ADCY2: variants seen among roughly 807,000 people sequenced by gnomAD.
The protein encoded by ADCY2 is adenylate cyclase 2.
A neutral mutation model predicts 125.2 loss-of-function variants in ADCY2; 31 were observed. That is an observed-to-expected ratio of 0.25 (90% confidence interval 0.19 to 0.33). The LOEUF is 0.33. ADCY2 is among the 10% of genes least tolerant of loss of function. The probability of loss-of-function intolerance (pLI) is 1.00; values close to 1 mark genes in which losing one functional copy is unlikely to be tolerated. For synonymous variants in ADCY2, 512 were observed against 548.4 expected, an observed-to-expected ratio of 0.93 and a Z score of 0.93; for missense variants, 904 against 1,418.2, an observed-to-expected ratio of 0.64 and a Z score of 5.82.
In ADCY2 at chr5:7,598,534, T is replaced by C. The variant is rs149231693; in HGVS notation, c.571-27633T>C. Among the ~76,000 whole-genome samples, 507 of 152,306 alleles carry C rather than the reference T, an allele frequency of 3.3e-3. 3 individuals carry two copies. Among genetic ancestry groups the C allele is most frequent in the Non-Finnish European group, 6.1e-3 (418 of 68,030 alleles). On this transcript the variant is annotated intron_variant, in intron 3 of 24. Coordinates refer to ENST00000338316, the MANE Select transcript of ADCY2 (RefSeq NM_020546.3). ...GAATTTTCTGTGGGGGGTTCTGGAA[T>C]TTTGTATTCTAAACACACATCCTTG...
At chr5:7,817,051 A>G (rs1745135215) in intron 23 of ADCY2, 71 bp downstream of exon 23, 1 of 1,161,366 alleles carries the variant, frequency 8.6e-7, no homozygotes, top group Non-Finnish European at 1.3e-6. Flanking sequence ...GTCAGGAGAT[A>G]TTGATGATCC....
chr5:7,644,444 T>G (rs1338865163), intron 4 of ADCY2, among the ~76,000 whole-genome samples: 2 of 152,100 alleles, frequency 1.3e-5, no homozygotes, highest in East Asian at 3.9e-4. Flanking sequence ...ACACACATTC[T>G]CTAGGACTCT....
chr5:7,415,001 CTGTA>C (rs1297018211), intron 2 of ADCY2, among the ~76,000 whole-genome samples: 1 of 115,778 alleles, frequency 8.6e-6, no homozygotes, highest in East Asian at 2.0e-4. Context: ...GTATTTATAT[CTGTA>C]TGTATGTGTA....
At chr5:7,611,951 C>T (rs1009080993) in intron 3 of ADCY2, among the ~76,000 whole-genome samples, 4 of 152,160 alleles carry the variant, frequency 2.6e-5, no homozygotes, top group Non-Finnish European at 4.4e-5. Context: ...TTGTACTATC[C>T]AGTGCCTGAT....
chr5:7,482,975 G>C (rs1742794261), intron 2 of ADCY2, among the ~76,000 whole-genome samples: 1 of 151,830 alleles, frequency 6.6e-6, no homozygotes, highest in African/African-American at 2.4e-5. Context: ...TTGATCTCAT[G>C]GAGTAGAGTG....
At position 7,743,677 on chromosome 5, in the gene ADCY2, C is replaced by T. The variant is rs1742512720; in HGVS notation, c.1881C>T (p.Val627=). 2 of 1,613,968 alleles carry T rather than the reference C, an allele frequency of 1.2e-6. No homozygotes were observed. The highest frequency in any genetic ancestry group is 1.7e-6 in the Non-Finnish European group (2 of 1,179,986). Reference sequence around the variant, plus strand: ...TTTTGTTTCCCGGTAGAACGTCCGTCCTGGGCATCTCCTTTGGGGCTGCGT... The same window carrying T: ...TTTTGTTTCCCGGTAGAACGTCCGTTCTGGGCATCTCCTTTGGGGCTGCGT... The part of the protein sequence containing the change: ...VQILVLPKTS[V]LGISFGAAFL... The change falls in exon 15 of 25, where the codon GTC becomes GTT. Residue 627 remains valine, a synonymous_variant. Coordinates refer to ENST00000338316, the MANE Select transcript of ADCY2 (RefSeq NM_020546.3).
At chr5:7,677,572 T>G (rs1740175732) in intron 4 of ADCY2, among the ~76,000 whole-genome samples, 1 of 152,194 alleles carries the variant, frequency 6.6e-6, no homozygotes, top group Non-Finnish European at 1.5e-5. Flanking sequence ...CAGTCCAACC[T>G]GGCAGAGAAT....
chr5:7,426,975 T>C (rs116222912), intron 2 of ADCY2, among the ~76,000 whole-genome samples: 465 of 152,330 alleles, frequency 3.1e-3, no homozygotes, highest in African/African-American at 0.011. Context: ...GTCTGCTGCA[T>C]TCATGTCCCA....
At position 7,826,997 on chromosome 5, in the gene ADCY2, G is replaced by A. The variant is rs543659527; in HGVS notation, c.*126G>A. On this transcript the variant is annotated 3_prime_UTR_variant, in exon 25 of 25. Coordinates refer to ENST00000338316, the MANE Select transcript of ADCY2 (RefSeq NM_020546.3). Reference sequence around the variant, plus strand: ...TGTCCTATGGAGCCTCTGCAGACTCGTTCTCGTGACCCAGTGGCATACCGT... The same window carrying A: ...TGTCCTATGGAGCCTCTGCAGACTCATTCTCGTGACCCAGTGGCATACCGT... 68 of 1,187,442 alleles carry A rather than the reference G, an allele frequency of 5.7e-5. No individual in the cohort carries two copies. Among genetic ancestry groups the A allele is most frequent in the Non-Finnish European group, 6.4e-5 (55 of 858,144 alleles). The allele number at this position is 1,187,442 out of a possible 1,614,324, so 73.6% of individuals were successfully genotyped here.
At chr5:7,759,774 C>T (rs942183167) in intron 16 of ADCY2, among the ~76,000 whole-genome samples, 10 of 152,166 alleles carry the variant, frequency 6.6e-5, no homozygotes, top group Non-Finnish European at 1.3e-4. Context: ...ACAAGCAATT[C>T]CCTGGGGTAC....
At chr5:7,696,527 AAG>A (rs1478540711) in intron 6 of ADCY2, among the ~76,000 whole-genome samples, 1 of 152,156 alleles carries the variant, frequency 6.6e-6, no homozygotes, top group Non-Finnish European at 1.5e-5. Context: ...CGATGACAAA[AAG>A]TTTCTTCCTG....
At chr5:7,487,134 A>G (rs1354086234) in intron 2 of ADCY2, among the ~76,000 whole-genome samples, 1 of 152,216 alleles carries the variant, frequency 6.6e-6, no homozygotes, top group Non-Finnish European at 1.5e-5. Context: ...CTGGGCCTTC[A>G]GGAAAGTATT....
intron 2 of ADCY2, among the ~76,000 whole-genome samples, chr5:7,458,284 A>G (rs1741782854): frequency 6.6e-6 from 1 of 152,208 alleles, no homozygotes. Context: ...CAAATACAAC[A>G]GTTTTGAATA....
intron 2 of ADCY2, among the ~76,000 whole-genome samples, chr5:7,478,790 C>T (rs1278172609): frequency 6.6e-6 from 1 of 152,094 alleles, no homozygotes; most frequent in Non-Finnish European, 1.5e-5. Context: ...ATAGATTTTA[C>T]ATTATGTATT....
intron 2 of ADCY2, among the ~76,000 whole-genome samples, chr5:7,509,035 T>G (rs1390983087): frequency 2.0e-5 from 3 of 152,188 alleles, no homozygotes; most frequent in African/African-American, 4.8e-5. Context: ...CTAAACAAAT[T>G]AGGCTTTCAG....
At chr5:7,435,339 G>C (rs1451331331) in intron 2 of ADCY2, among the ~76,000 whole-genome samples, 2 of 152,158 alleles carry the variant, frequency 1.3e-5, no homozygotes, top group African/African-American at 4.8e-5. Context: ...CTTAGTTTTG[G>C]CTACGGCTTT....
chr5:7,789,877 C>A, intron 20 of ADCY2, 77 bp downstream of exon 20: 1 of 1,215,958 alleles, frequency 8.2e-7, no homozygotes, highest in South Asian at 1.6e-5. Flanking sequence ...AAAGCTTCTT[C>A]AGTGACATAA....
intron 4 of ADCY2, among the ~76,000 whole-genome samples, chr5:7,655,183 G>A (rs541452728): frequency 4.6e-5 from 7 of 152,282 alleles, no homozygotes; most frequent in South Asian, 4.1e-4. Context: ...GGAAAGGGGC[G>A]CTACGTTCAT....
At chr5:7,446,592 G>A (rs1164952299) in intron 2 of ADCY2, among the ~76,000 whole-genome samples, 1 of 151,886 alleles carries the variant, frequency 6.6e-6, no homozygotes, top group African/African-American at 2.4e-5. Flanking sequence ...ATAAATGTGA[G>A]TCTTTGGTAT....
Sources: gnomAD v4.1 joint callset for allele counts (sites outside exome capture counted in the v4.1 genomes callset) on GRCh38, gnomAD v4.1.1 for gene constraint, MANE v1.5 for transcripts, NCBI Gene and HGNC (gene_info 2026-07-23, HGNC 2026-07-21) for gene names.